GALNT13: variants seen among roughly 807,000 people sequenced by gnomAD.
GALNT13 encodes the protein UDP-GalNAc:polypeptide N-acetylgalactosaminyltransferase 13.
In GALNT13, 28 loss-of-function variants were observed where a neutral mutation model predicts 64.2. The observed-to-expected ratio is 0.44, with a 90% CI of 0.32 to 0.60. The LOEUF (loss-of-function observed/expected upper bound fraction) is 0.60, where lower values mean the gene tolerates loss of function less well. Among genes scored for constraint, GALNT13 ranks in the 20% least tolerant of loss-of-function variants. The pLI is 0.05. For missense variants in GALNT13, 577 were observed against 669.8 expected, an observed-to-expected ratio of 0.86 and a Z score of 1.53; for synonymous variants, 214 against 224.6, an observed-to-expected ratio of 0.95 and a Z score of 0.42.
the GALNT13 span, among the ~76,000 whole-genome samples, chr2:153,808,181 G>T: frequency 6.6e-6 from 1 of 152,088 alleles, no homozygotes; most frequent in Non-Finnish European, 1.5e-5. Context: ...GCTTTTGGGG[G>T]CTTTCTGTAT....
At chr2:154,435,105 C>A (rs1700893186) in intron 11 of GALNT13, among the ~76,000 whole-genome samples, 1 of 152,140 alleles carries the variant, frequency 6.6e-6, no homozygotes, top group South Asian at 2.1e-4. Context: ...GCCACTGGAA[C>A]AAATGGAAAC....
chr2:153,963,778 T>C (rs1693124199), intron 3 of GALNT13, among the ~76,000 whole-genome samples: 1 of 146,506 alleles, frequency 6.8e-6, no homozygotes, highest in South Asian at 2.2e-4. Context: ...TGTGTGTGTG[T>C]GTGTTTGGCC....
intron 3 of GALNT13, among the ~76,000 whole-genome samples, chr2:154,001,182 A>G (rs1364391244): frequency 6.6e-6 from 1 of 151,916 alleles, no homozygotes; most frequent in East Asian, 1.9e-4. Context: ...TGCATCTTTA[A>G]AGGTGAAGTA....
intron 9 of GALNT13, among the ~76,000 whole-genome samples, chr2:154,358,020 A>T (rs1231999426): frequency 6.6e-6 from 1 of 152,040 alleles, no homozygotes; most frequent in African/African-American, 2.4e-5. Context: ...CTTTGAGTGG[A>T]ATGTGCCCTT....
chr2:153,254,886 C>G, the GALNT13 span, among the ~76,000 whole-genome samples: 11 of 152,144 alleles, frequency 7.2e-5, no homozygotes, highest in Middle Eastern at 3.4e-3. Context: ...GCTTTACTTC[C>G]AAGTATGCGG....
the GALNT13 span, among the ~76,000 whole-genome samples, chr2:153,730,614 C>A: frequency 6.6e-6 from 1 of 151,748 alleles, no homozygotes; most frequent in Non-Finnish European, 1.5e-5. Flanking sequence ...AACATACAAT[C>A]TACAGAAGGG....
chr2:153,271,760 A>G, the GALNT13 span, among the ~76,000 whole-genome samples: 1 of 152,346 alleles, frequency 6.6e-6, no homozygotes, highest in East Asian at 1.9e-4. Flanking sequence ...GAATTAGAAA[A>G]CACTACTTTA....
intron 9 of GALNT13, among the ~76,000 whole-genome samples, chr2:154,365,467 T>C (rs1318835986): frequency 2.6e-5 from 4 of 152,216 alleles, no homozygotes; most frequent in Non-Finnish European, 5.9e-5. Flanking sequence ...TTGCCGTTTT[T>C]ATTATAAAAA....
chr2:154,396,110 C>T lies in GALNT13; in HGVS notation c.1276C>T (p.Arg426Cys), dbSNP rs150203694. ...NIYPDSQIPRRYYSLGEIRNV... is the reference protein window; with the variant it reads ...NIYPDSQIPRCYYSLGEIRNV... ...CTATCCGGACTCCCAGATCCCAAGA[C>T]GTTATTACTCACTTGGTGAGGTATG... Residue 426 changes from arginine (R) to cysteine (C), a missense_variant, in exon 10 of 13, where the codon CGT (arginine) becomes TGT (cysteine). Coordinates refer to ENST00000392825, the MANE Select transcript of GALNT13 (RefSeq NM_052917.4). 48 of 1,602,580 alleles carry T rather than the reference C, an allele frequency of 3.0e-5. 1 individual carries two copies. The highest frequency in any genetic ancestry group is 1.8e-4 in the East Asian group (8 of 44,286).
chr2:153,552,716 A>G, the GALNT13 span, among the ~76,000 whole-genome samples: 4 of 151,650 alleles, frequency 2.6e-5, no homozygotes, highest in Non-Finnish European at 5.9e-5. Flanking sequence ...GTGGTCCCCA[A>G]CCTTTTTGGT....
intron 8 of GALNT13, among the ~76,000 whole-genome samples, chr2:154,273,064 G>C (rs368375536): frequency 2.0e-4 from 31 of 152,236 alleles, no homozygotes; most frequent in African/African-American, 6.7e-4. Flanking sequence ...CCTGGTCTCG[G>C]TTTCCTAGAA....
At chr2:153,287,918 C>T in the GALNT13 span, among the ~76,000 whole-genome samples, 258 of 152,238 alleles carry the variant, frequency 1.7e-3, no homozygotes, top group African/African-American at 5.9e-3. Flanking sequence ...ACCAGGGACC[C>T]CACCTTTCTA....
At chr2:154,132,688 C>T (rs981219511) in intron 3 of GALNT13, among the ~76,000 whole-genome samples, 1 of 151,574 alleles carries the variant, frequency 6.6e-6, no homozygotes, top group African/African-American at 2.4e-5. Context: ...GAGTTCAAGA[C>T]CAAGCTGGCC....
the GALNT13 span, among the ~76,000 whole-genome samples, chr2:153,183,474 T>G: frequency 3.3e-5 from 5 of 152,344 alleles, no homozygotes; most frequent in Admixed American, 6.5e-5. Flanking sequence ...TTTAGTTTAA[T>G]TAGATCTCAT....
chr2:153,601,163 C>CT, the GALNT13 span, among the ~76,000 whole-genome samples: 9,101 of 141,122 alleles, frequency 0.064, 450 homozygotes, highest in African/African-American at 0.14. Flanking sequence ...ATTTAGTAGG[C>CT]TTTTTTTTTT....
the GALNT13 span, among the ~76,000 whole-genome samples, chr2:153,696,145 G>A: frequency 6.6e-5 from 10 of 152,122 alleles, no homozygotes; most frequent in South Asian, 2.1e-4. Flanking sequence ...TAGGGAAGCC[G>A]ACAGTGCAAC....
At chr2:153,449,596 AG>A in the GALNT13 span, 3 of 152,676 alleles carry the variant, frequency 2.0e-5, no homozygotes, top group Admixed American at 2.0e-4. Flanking sequence ...CTATTGTCTT[AG>A]TCTGTTTTGT....
chr2:153,476,946 C>T, the GALNT13 span, among the ~76,000 whole-genome samples: 1 of 152,150 alleles, frequency 6.6e-6, no homozygotes, highest in Non-Finnish European at 1.5e-5. Context: ...TAGAGACGCC[C>T]TCCCTAAAGG....
At chr2:154,048,360 T>C (rs1424126282) in intron 3 of GALNT13, among the ~76,000 whole-genome samples, 1 of 152,100 alleles carries the variant, frequency 6.6e-6, no homozygotes, top group African/African-American at 2.4e-5. Context: ...TCACCAGACA[T>C]TGCCAAATGT....
Sources: gnomAD v4.1 joint callset for allele counts (sites outside exome capture counted in the v4.1 genomes callset) on GRCh38, gnomAD v4.1.1 for gene constraint, MANE v1.5 for transcripts, NCBI Gene and HGNC (gene_info 2026-07-23, HGNC 2026-07-21) for gene names.